LIFR: variants seen among roughly 807,000 people sequenced by gnomAD.
The protein encoded by LIFR is leukemia inhibitory factor receptor.
LIFR carries 84 observed loss-of-function variants against 122.2 expected under a neutral mutation model. That is an observed-to-expected ratio of 0.69 (90% CI 0.58 to 0.82). The LOEUF is 0.82. Ranked by LOEUF, LIFR falls within the 40% of genes least tolerant of loss-of-function variation. The pLI, the probability that LIFR is intolerant of heterozygous loss-of-function variation, is 0.00. For synonymous variants in LIFR, 422 were observed against 434.7 expected (o/e 0.97, Z 0.36); for missense variants, 1,294 against 1,311.6 (o/e 0.99, Z 0.21).
Position 38,604,942 on chromosome 5 carries a change from G to A in LIFR, n.305+1263C>T, listed in dbSNP as rs541304461. On this transcript the variant is annotated intron_variant and non_coding_transcript_variant, in intron 2 of 3. Transcript: ENST00000507786. ...TTCCAGGTCATAGGTAAATTTAAGC[G>A]TATTCTGACTGGTGATTGGTTGAAA... Among the ~76,000 whole-genome samples, 146 of 152,150 alleles carry A rather than the reference G, an allele frequency of 9.6e-4. 2 individuals carry two copies. Among genetic ancestry groups the A allele is most frequent in the African/African-American group, 3.1e-3 (130 of 41,506 alleles).
At chr5:38,545,629 G>A (rs975024295) in intron 1 of LIFR, among the ~76,000 whole-genome samples, 7 of 152,016 alleles carry the variant, frequency 4.6e-5, no homozygotes, top group African/African-American at 9.7e-5. Context: ...TTGGGAGGCC[G>A]AGGTGGGCGG....
At position 38,510,716 on chromosome 5, in the gene LIFR, T is replaced by C. The variant is rs750343791; in HGVS notation, c.739A>G (p.Ile247Val). ...DWSPVKNISW[I>V]PDSQTKVFPQ... Reference sequence around the variant, plus strand: ...AAAACCTTAGTCTGAGAATCAGGTATCCCTAGAAAGAAAAAGAGGAATTAT... The same window carrying C: ...AAAACCTTAGTCTGAGAATCAGGTACCCCTAGAAAGAAAAAGAGGAATTAT... The change falls in exon 7 of 20, where the codon ATA becomes GTA. Residue 247 changes from isoleucine to valine, a missense_variant and splice_region_variant. Transcript: ENST00000453190. The C allele has an allele frequency of 6.2e-6, 10 of 1,609,262 alleles. No individual in the cohort carries two copies. The African/African-American group carries it at 9.4e-5, about 15-fold the overall frequency.
intron 7 of LIFR, among the ~76,000 whole-genome samples, chr5:38,506,888 A>AC (rs1745516583): frequency 6.6e-6 from 1 of 152,200 alleles, no homozygotes; most frequent in Non-Finnish European, 1.5e-5. Flanking sequence ...TAGCAACTTG[A>AC]AATATCAGTT....
chr5:38,482,491 T>G, intron 19 of LIFR, 98 bp downstream of exon 19: 2 of 735,932 alleles, frequency 2.7e-6, no homozygotes, highest in East Asian at 2.6e-5. Context: ...CCCAATACTT[T>G]TTAATTAAAA....
At chr5:38,483,709 G>A (rs1287953323) in intron 18 of LIFR, among the ~76,000 whole-genome samples, 2 of 152,196 alleles carry the variant, frequency 1.3e-5, no homozygotes, top group South Asian at 2.1e-4. Flanking sequence ...GATTACAGGC[G>A]TGAGCCACTG....
chr5:38,585,833 T>C (rs1749728332), intron 1 of LIFR, among the ~76,000 whole-genome samples: 3 of 152,150 alleles, frequency 2.0e-5, no homozygotes, highest in African/African-American at 7.2e-5. Context: ...ATATTGTCCG[T>C]AAGTTCCCTT....
intron 7 of LIFR, 26 bp from the exon 8 acceptor site, chr5:38,506,658 TA>T: frequency 6.3e-7 from 1 of 1,585,132 alleles, no homozygotes; most frequent in African/African-American, 1.3e-5. Flanking sequence ...TGCAGGTACT[TA>T]TGATTACATA....
intron 1 of LIFR, among the ~76,000 whole-genome samples, chr5:38,536,385 A>C (rs908274934): frequency 6.6e-6 from 1 of 152,230 alleles, no homozygotes; most frequent in African/African-American, 2.4e-5. Context: ...ACAACTGCTT[A>C]CATAGCATTA....
chr5:38,572,166 C>G (rs1162935801), intron 1 of LIFR, among the ~76,000 whole-genome samples: 2 of 151,972 alleles, frequency 1.3e-5, no homozygotes, highest in Non-Finnish European at 2.9e-5. Context: ...AGAAAAGAGG[C>G]TTAATTGGCT....
chr5:38,565,533 A>G (rs1459930544), intron 1 of LIFR, among the ~76,000 whole-genome samples: 1 of 151,594 alleles, frequency 6.6e-6, no homozygotes, highest in Non-Finnish European at 1.5e-5. Context: ...AAATGAGATG[A>G]TGTATATGAG....
rs1743682196 is a variant in LIFR at position 38,475,480 on chromosome 5, G to T, written c.*6115C>A. Reference sequence around the variant, plus strand: ...GTAACATTTCAAGAAATGAAAAAGGGAACAGTTTGGGATCCGCAGTTTCTC... The same window carrying T: ...GTAACATTTCAAGAAATGAAAAAGGTAACAGTTTGGGATCCGCAGTTTCTC... On this transcript the variant is annotated 3_prime_UTR_variant, in exon 20 of 20. Coordinates refer to ENST00000453190, the MANE Select transcript of LIFR (RefSeq NM_001127671.2). 1 of 196,220 alleles carries T rather than the reference G, an allele frequency of 5.1e-6. No individual in the cohort carries two copies. Among genetic ancestry groups the T allele is most frequent in the Admixed American group, 6.1e-5 (1 of 16,496 alleles). The allele number at this position is 196,220 out of a possible 1,614,324, so 12.2% of individuals were successfully genotyped here.
intron 1 of LIFR, among the ~76,000 whole-genome samples, chr5:38,551,528 G>A (rs545620629): frequency 1.3e-5 from 2 of 152,234 alleles, no homozygotes; most frequent in Non-Finnish European, 2.9e-5. Context: ...ACTTTGGGGA[G>A]AAGTTAAAAG....
chr5:38,516,051 T>C (rs1282261088), intron 5 of LIFR, among the ~76,000 whole-genome samples: 5 of 152,224 alleles, frequency 3.3e-5, no homozygotes, highest in Admixed American at 2.6e-4. Flanking sequence ...TCCCTTACTT[T>C]ACAGTTCTAA....
chr5:38,544,194 T>G (rs1747746813), intron 1 of LIFR, among the ~76,000 whole-genome samples: 1 of 152,134 alleles, frequency 6.6e-6, no homozygotes, highest in African/African-American at 2.4e-5. Context: ...AGTGGTCCTC[T>G]TGTTTCCAGT....
In LIFR at chr5:38,504,046, G is replaced by A. The variant is rs1174039876; in HGVS notation, c.1367C>T (p.Pro456Leu). Residue 456 changes from proline (P) to leucine (L), a missense_variant, in exon 10 of 20, where the codon CCA becomes CTA. Coordinates refer to ENST00000453190, the MANE Select transcript of LIFR (RefSeq NM_001127671.2). ...STAVKLSWHL[P>L]GNFAKINFLC... is the part of the protein sequence containing the mutation. ...AAAATTAATCTTTGCAAAGTTGCCTGGTAAATGCCAAGAAAGTTTAACAGC... is the reference window on the plus strand; with the variant it reads ...AAAATTAATCTTTGCAAAGTTGCCTAGTAAATGCCAAGAAAGTTTAACAGC... 3.1e-6 allele frequency: 5 copies of A among 1,590,214 alleles called. No homozygotes were observed. Among genetic ancestry groups the A allele is most frequent in the Non-Finnish European group, 4.3e-6 (5 of 1,158,614 alleles).
In LIFR at chr5:38,503,989, G is replaced by A. The variant is rs763060076; in HGVS notation, c.1424C>T (p.Ser475Leu). The change falls in exon 10 of 20, where the codon TCA (serine) becomes TTA (leucine). Residue 475 changes from serine (S) to leucine (L), a missense_variant. Ser to Leu is a moderately radical substitution (Grantham distance 145). Coordinates refer to ENST00000453190, the MANE Select transcript of LIFR (RefSeq NM_001127671.2). ...LCEIEIKKSN[S>L]VQEQRNVTIK... ...AGAGAATCTTACCTGCTCTTGTACT[G>A]AATTAGATTTCTTAATTTCAATTTC... 1.5e-5 allele frequency: 23 copies of A among 1,575,138 alleles called. No homozygotes were observed. Among genetic ancestry groups the A allele is most frequent in the Non-Finnish European group, 1.9e-5 (22 of 1,145,100 alleles).
At chr5:38,549,647 C>G (rs955131136) in intron 1 of LIFR, among the ~76,000 whole-genome samples, 2 of 152,046 alleles carry the variant, frequency 1.3e-5, no homozygotes, top group African/African-American at 4.8e-5. Flanking sequence ...AAAAATTAGC[C>G]GGGCGTGGTA....
rs868197411 is a variant in LIFR, at chr5:38,478,293, A to C, written c.*3302T>G. On this transcript the variant is annotated 3_prime_UTR_variant, in exon 20 of 20. Coordinates refer to ENST00000453190, the MANE Select transcript of LIFR (RefSeq NM_001127671.2). ...TAATAGTACTAAATGTTCTAAATGT[A>C]ATCTTTCAGATCCACGAGCGGTGAA... The C allele has an allele frequency of 7.3e-5, 15 of 206,038 alleles. No homozygotes were observed. The East Asian group carries it at 1.0e-3, about 14-fold the overall frequency. 12.8% of individuals were successfully genotyped at this position (206,038 alleles called of 1,614,324 possible). A position where few individuals can be genotyped will look rare whatever the true frequency, so the allele number is the denominator to read the frequency against.
chr5:38,489,601 T>C (rs1744465110), intron 15 of LIFR, among the ~76,000 whole-genome samples: 1 of 152,196 alleles, frequency 6.6e-6, no homozygotes, highest in African/African-American at 2.4e-5. Context: ...TTTTTAAACT[T>C]GTAAAAGTAC....
Sources: allele counts gnomAD v4.1 joint callset (sites outside exome capture counted in the v4.1 genomes callset), GRCh38; gene constraint gnomAD v4.1.1; transcripts MANE v1.5; gene names NCBI Gene and HGNC (gene_info 2026-07-23, HGNC 2026-07-21).